PDE4D: variants seen among roughly 807,000 people sequenced by gnomAD.
The protein encoded by PDE4D is 3',5'-cyclic-AMP phosphodiesterase 4D.
In PDE4D, 24 loss-of-function variants were observed where a neutral mutation model predicts 87.4. The observed-to-expected ratio is 0.27, with a 90% CI of 0.20 to 0.39. The LOEUF (loss-of-function observed/expected upper bound fraction) is 0.39. PDE4D is among the 10% of genes least tolerant of loss of function. The pLI, the probability that PDE4D is intolerant of heterozygous loss-of-function variation, is 1.00. For missense variants in PDE4D, 714 were observed against 1,041.0 expected (o/e 0.69, Z 4.32); for synonymous variants, 384 against 383.2 (o/e 1.00, Z -0.02).
chr5:59,920,548 CAG>C lies in PDE4D; in HGVS notation c.272+67938_272+67939del, dbSNP rs774503086. Reference sequence around the variant, plus strand: ...CTTTGAACTAGCAGTATGTAACATACAGAGTTAGTTGGAAGATAGTCCTTATT... The same window carrying C: ...CTTTGAACTAGCAGTATGTAACATACAGTTAGTTGGAAGATAGTCCTTATT... On this transcript the variant is annotated intron_variant, in intron 3 of 16. Coordinates refer to the PDE4D transcript ENST00000502484. Among the ~76,000 whole-genome samples the C allele has an allele frequency of 5.3e-5, 8 of 152,102 alleles. No individual in the cohort carries two copies. In the East Asian group the frequency reaches 1.5e-3, roughly 29 times the overall value.
At chr5:60,242,301 C>A (rs1747220339) in intron 1 of PDE4D, among the ~76,000 whole-genome samples, 1 of 151,922 alleles carries the variant, frequency 6.6e-6, no homozygotes, top group South Asian at 2.1e-4. Flanking sequence ...TAGGTGTAAC[C>A]AATATTGGAG....
chr5:59,533,715 T>C (rs1814639395), intron 1 of PDE4D, among the ~76,000 whole-genome samples: 1 of 152,176 alleles, frequency 6.6e-6, no homozygotes, highest in Non-Finnish European at 1.5e-5. Flanking sequence ...AGCAAAAAAT[T>C]GGAGGCTGTA....
At chr5:59,726,490 C>T (rs1282989706) in intron 1 of PDE4D, among the ~76,000 whole-genome samples, 1 of 152,060 alleles carries the variant, frequency 6.6e-6, no homozygotes, top group East Asian at 1.9e-4. Context: ...CTTGCTCTTT[C>T]TCCACCATGT....
chr5:59,059,705 C>A (rs1460517784), intron 5 of PDE4D, among the ~76,000 whole-genome samples: 1 of 152,140 alleles, frequency 6.6e-6, no homozygotes, highest in Non-Finnish European at 1.5e-5. Flanking sequence ...TTACCTAGGG[C>A]AGGTAAAATA....
At chr5:59,812,398 C>A (rs1768457480) in intron 1 of PDE4D, among the ~76,000 whole-genome samples, 1 of 152,172 alleles carries the variant, frequency 6.6e-6, no homozygotes, top group Non-Finnish European at 1.5e-5. Flanking sequence ...GGCCAGGCGT[C>A]ATGGCACCTG....
intron 1 of PDE4D, among the ~76,000 whole-genome samples, chr5:59,686,823 A>G (rs932153622): frequency 6.6e-6 from 1 of 152,196 alleles, no homozygotes; most frequent in Non-Finnish European, 1.5e-5. Flanking sequence ...AAGATGATGG[A>G]TCAATCTAGA....
intron 5 of PDE4D, among the ~76,000 whole-genome samples, chr5:59,081,733 A>G (rs1442553163): frequency 6.6e-6 from 1 of 152,084 alleles, no homozygotes; most frequent in Non-Finnish European, 1.5e-5. Context: ...ATATTGCTAT[A>G]ATGGTCCTCT....
chr5:60,332,336 C>T (rs1757377956), intron 1 of PDE4D, among the ~76,000 whole-genome samples: 1 of 152,180 alleles, frequency 6.6e-6, no homozygotes, highest in Admixed American at 6.5e-5. Context: ...GCCCCCCTCC[C>T]TCTCTGTTTT....
chr5:59,688,176 C>T (rs1176861934), intron 1 of PDE4D, among the ~76,000 whole-genome samples: 1 of 152,130 alleles, frequency 6.6e-6, no homozygotes, highest in Non-Finnish European at 1.5e-5. Flanking sequence ...AGAAAGTTAA[C>T]AAGGTTATCC....
chr5:60,290,057 G>C (rs1752751278), intron 1 of PDE4D, among the ~76,000 whole-genome samples: 2 of 152,184 alleles, frequency 1.3e-5, no homozygotes. Flanking sequence ...TCACAGAGAG[G>C]TTGGTACTCA....
chr5:60,516,677 G>T (rs957550405), intron 1 of PDE4D, among the ~76,000 whole-genome samples: 1 of 152,216 alleles, frequency 6.6e-6, no homozygotes, highest in Non-Finnish European at 1.5e-5. Context: ...CAACAATAAT[G>T]AGAATTAATA....
intron 5 of PDE4D, among the ~76,000 whole-genome samples, chr5:59,162,849 G>A (rs1454152320): frequency 5.4e-5 from 1 of 18,590 alleles, no homozygotes. Context: ...GTGAGACCCT[G>A]CATCAAAAAA....
chr5:60,400,108 C>A (rs939257951), intron 1 of PDE4D, among the ~76,000 whole-genome samples: 1 of 152,176 alleles, frequency 6.6e-6, no homozygotes, highest in African/African-American at 2.4e-5. Flanking sequence ...TGGCCAGATT[C>A]TCTCCTATTT....
intron 1 of PDE4D, among the ~76,000 whole-genome samples, chr5:60,382,725 C>T (rs564975865): frequency 1.3e-5 from 2 of 152,248 alleles, no homozygotes; most frequent in African/African-American, 2.4e-5. Context: ...CTTCACTTTT[C>T]GTTTTCATTT....
rs1180125101 is a variant in PDE4D at position 58,974,480 on chromosome 5, C to G, written c.*184G>C. The G allele has an allele frequency of 6.7e-6, 3 of 447,068 alleles. No homozygotes were observed. Among genetic ancestry groups the G allele is most frequent in the Non-Finnish European group, 1.2e-5 (3 of 254,724 alleles). 27.7% of individuals were successfully genotyped at this position (447,068 alleles called of 1,614,324 possible). ...GAAGATGTCCACCTTGCTCGGATGA[C>G]ATGGAGGTGAAAAAACTGGTTACGA... On this transcript the variant is annotated 3_prime_UTR_variant, in exon 15 of 15. Coordinates refer to ENST00000340635, the MANE Select transcript of PDE4D (RefSeq NM_001104631.2).
intron 2 of PDE4D, among the ~76,000 whole-genome samples, chr5:60,015,294 C>G (rs1041544582): frequency 3.3e-5 from 5 of 152,212 alleles, no homozygotes; most frequent in African/African-American, 1.2e-4. Flanking sequence ...ATTGTGATAG[C>G]TAGTCTCCAA....
At chr5:59,712,369 A>T (rs1754315942) in intron 1 of PDE4D, among the ~76,000 whole-genome samples, 1 of 144,778 alleles carries the variant, frequency 6.9e-6, no homozygotes, top group African/African-American at 2.5e-5. Flanking sequence ...TTATACAAAT[A>T]TAAGAATAAA....
At chr5:59,836,654 C>A (rs1391135451) in intron 1 of PDE4D, among the ~76,000 whole-genome samples, 2 of 147,572 alleles carry the variant, frequency 1.4e-5, no homozygotes, top group African/African-American at 5.3e-5. Context: ...ATCTATCTAT[C>A]TATCATCTAT....
chr5:59,594,459 T>A (rs1183482920), intron 1 of PDE4D, among the ~76,000 whole-genome samples: 1 of 151,958 alleles, frequency 6.6e-6, no homozygotes, highest in Non-Finnish European at 1.5e-5. Flanking sequence ...TAGCTAGGAT[T>A]AGAGGTATGT....
Sources: allele counts gnomAD v4.1 joint callset (sites outside exome capture counted in the v4.1 genomes callset), GRCh38; gene constraint gnomAD v4.1.1; transcripts MANE v1.5; gene names NCBI Gene and HGNC (gene_info 2026-07-23, HGNC 2026-07-21).